The following USH2A variants were observed in gnomAD, a reference collection of about 807,000 sequenced individuals.
USH2A encodes the protein usherin, also known as Usher syndrome 2A (autosomal recessive, mild).
In USH2A, 443 loss-of-function variants were observed where a neutral mutation model predicts 538.9. The observed-to-expected ratio is 0.82, with a 90% confidence interval of 0.76 to 0.89. The LOEUF is 0.89. Among genes scored for constraint, USH2A ranks in the 40% least tolerant of loss-of-function variants. The pLI, the probability that USH2A is intolerant of heterozygous loss-of-function variation, is 0.00. For synonymous variants in USH2A, 2,413 were observed against 2,273.5 expected (o/e 1.06, Z -1.75); for missense variants, 6,633 against 6,324.8 (o/e 1.05, Z -1.65).
intron 61 of USH2A, among the ~76,000 whole-genome samples, chr1:215,685,676 C>T (rs1356642140): frequency 2.3e-5 from 3 of 131,256 alleles, no homozygotes; most frequent in African/African-American, 8.3e-5. Context: ...AGTCTTGATA[C>T]AGAAATTATT....
intron 4 of USH2A, among the ~76,000 whole-genome samples, chr1:216,330,483 C>T (rs1422546909): frequency 2.6e-5 from 4 of 151,518 alleles, no homozygotes; most frequent in African/African-American, 9.7e-5. Flanking sequence ...TCCAGGCAGG[C>T]ATTAATAAGC....
chr1:215,884,200 C>A lies in USH2A; in HGVS notation c.8223+4226G>T, dbSNP rs199851483. On this transcript the variant is annotated intron_variant, in intron 41 of 71. Coordinates refer to ENST00000307340, the MANE Select transcript of USH2A (RefSeq NM_206933.4). ...TGTATACCTATGTAAGAAACCTGCACGTTCTGTACATGTATCCCAGAACTT... is the reference window on the plus strand; with the variant it reads ...TGTATACCTATGTAAGAAACCTGCAAGTTCTGTACATGTATCCCAGAACTT... Among the ~76,000 whole-genome samples the A allele has an allele frequency of 9.2e-5, 14 of 152,098 alleles. No homozygotes were observed. The East Asian group carries it at 1.9e-3, about 21-fold the overall frequency.
At chr1:216,273,396 T>C (rs1037181808) in intron 11 of USH2A, among the ~76,000 whole-genome samples, 47 of 152,066 alleles carry the variant, frequency 3.1e-4, no homozygotes, top group African/African-American at 1.1e-3. Context: ...GGAGAAATCA[T>C]TGAGAGTGGA....
chr1:216,096,540 T>A (rs1279486569), intron 22 of USH2A, among the ~76,000 whole-genome samples: 1 of 152,242 alleles, frequency 6.6e-6, no homozygotes, highest in African/African-American at 2.4e-5. Context: ...TTTATGTTCC[T>A]ATAATACATA....
intron 21 of USH2A, among the ~76,000 whole-genome samples, chr1:216,166,417 G>A (rs1008659651): frequency 6.6e-6 from 1 of 152,016 alleles, no homozygotes; most frequent in Admixed American, 6.6e-5. Flanking sequence ...AGCAGAAAAG[G>A]GTTTGTGAAG....
rs984676014 is a variant in USH2A at position 215,910,243 on chromosome 1, T to C, written c.7301-9338A>G. 2.0e-5 allele frequency among the ~76,000 whole-genome samples: 3 copies of C among 152,036 alleles called. No homozygotes were observed. In the East Asian group the frequency reaches 5.8e-4, roughly 29 times the overall value. ...ACTCTCCTTTATGTTCAATTAGCAC[T>C]TTTTACATTTTTAACTTAATTAGCT... On this transcript the variant is annotated intron_variant, in intron 38 of 71. Coordinates refer to ENST00000307340, the MANE Select transcript of USH2A (RefSeq NM_206933.4).
intron 40 of USH2A, among the ~76,000 whole-genome samples, chr1:215,897,068 A>T (rs942838): frequency 0.17 from 25,353 of 151,848 alleles, 2,535 homozygotes; most frequent in South Asian, 0.3. Context: ...TTATTTGAAA[A>T]AAAAATCTAT....
At chr1:216,024,561 G>A (rs1480282052) in intron 32 of USH2A, among the ~76,000 whole-genome samples, 1 of 151,968 alleles carries the variant, frequency 6.6e-6, no homozygotes, top group Non-Finnish European at 1.5e-5. Context: ...GTAAATTCCA[G>A]TATAGATTTT....
intron 30 of USH2A, among the ~76,000 whole-genome samples, chr1:216,054,866 G>T (rs909752443): frequency 3.3e-5 from 5 of 152,228 alleles, no homozygotes; most frequent in Non-Finnish European, 7.4e-5. Context: ...TTAAAGAACT[G>T]GCTGCTCTGC....
chr1:216,145,403 G>C (rs1297492644), intron 21 of USH2A, among the ~76,000 whole-genome samples: 3 of 152,174 alleles, frequency 2.0e-5, no homozygotes, highest in African/African-American at 7.2e-5. Flanking sequence ...AAAGCCTAAA[G>C]GATGTCTGAA....
intron 56 of USH2A, among the ~76,000 whole-genome samples, chr1:215,761,942 C>T (rs74900893): frequency 0.045 from 6,782 of 152,036 alleles, 302 homozygotes; most frequent in African/African-American, 0.11. Flanking sequence ...TAAGTTACTC[C>T]GTACAGGTTA....
At chr1:215,806,079 G>A (rs899014185) in intron 49 of USH2A, among the ~76,000 whole-genome samples, 1 of 147,056 alleles carries the variant, frequency 6.8e-6, no homozygotes, top group Non-Finnish European at 1.5e-5. Flanking sequence ...GACATAGAAA[G>A]TGAGAAATTT....
In USH2A at chr1:216,009,746, T is replaced by C. The variant is rs930051137; in HGVS notation, c.6326-9184A>G. Reference sequence around the variant, plus strand: ...CCTCAGCCTCCGCTCCTCCACCCTATAATCCTTTTATCACCTCCCCTCCTT... The same window carrying C: ...CCTCAGCCTCCGCTCCTCCACCCTACAATCCTTTTATCACCTCCCCTCCTT... On this transcript the variant is annotated intron_variant, in intron 32 of 71. Transcript: ENST00000307340. Among the ~76,000 whole-genome samples, 52 of 152,104 alleles carry C rather than the reference T, an allele frequency of 3.4e-4. 1 individual carries two copies. Among genetic ancestry groups the C allele is most frequent in the Non-Finnish European group, 6.3e-4 (43 of 68,018 alleles).
chr1:216,347,961 A>G (rs566203191), intron 4 of USH2A, among the ~76,000 whole-genome samples: 1 of 152,278 alleles, frequency 6.6e-6, no homozygotes, highest in South Asian at 2.1e-4. Flanking sequence ...AACAAGAGTT[A>G]ACTGCATGGG....
intron 32 of USH2A, among the ~76,000 whole-genome samples, chr1:216,027,031 T>G (rs1668983298): frequency 6.6e-6 from 1 of 152,178 alleles, no homozygotes. Flanking sequence ...TTTTACTACC[T>G]TGGTGAGTAA....
rs371317516 is a variant in USH2A at position 215,876,326 on chromosome 1, C to T, written c.8681+1432G>A. Among the ~76,000 whole-genome samples, 120 of 152,292 alleles carry T rather than the reference C, an allele frequency of 7.9e-4. No homozygotes were observed. The South Asian group carries it at 8.1e-3, about 10-fold the overall frequency. Reference sequence around the variant, plus strand: ...TTGATCAGATTTACGAGATGCCTCTCTCTGAGAATCTTACAAGAACTAGGA... The same window carrying T: ...TTGATCAGATTTACGAGATGCCTCTTTCTGAGAATCTTACAAGAACTAGGA... On this transcript the variant is annotated intron_variant, in intron 43 of 71. Transcript: ENST00000307340.
Position 215,877,665 on chromosome 1 carries a change from G to A in USH2A, c.8681+93C>T, listed in dbSNP as rs533907071. Reference sequence around the variant, plus strand: ...TGTTTTATTGCATAACTGATAACACGCTCACACAATGAAGACACTGAGATA... The same window carrying A: ...TGTTTTATTGCATAACTGATAACACACTCACACAATGAAGACACTGAGATA... On this transcript the variant is annotated intron_variant, in intron 43 of 71. Coordinates refer to ENST00000307340, the MANE Select transcript of USH2A (RefSeq NM_206933.4). 4.3e-5 allele frequency: 67 copies of A among 1,564,254 alleles called. No individual in the cohort carries two copies. In the African/African-American group the frequency reaches 6.1e-4, roughly 14 times the overall value.
chr1:216,394,718 G>GTTTTTTTTTTTTT (rs1571775823), intron 3 of USH2A, among the ~76,000 whole-genome samples: 1 of 58,708 alleles, frequency 1.7e-5, no homozygotes, highest in African/African-American at 4.5e-5. Flanking sequence ...AACTGGTCCA[G>GTTTTTTTTTTTTT]TCTTTTTTTT....
intron 37 of USH2A, among the ~76,000 whole-genome samples, chr1:215,938,213 G>A (rs1352523094): frequency 2.0e-5 from 3 of 152,068 alleles, no homozygotes; most frequent in African/African-American, 7.2e-5. Context: ...TGAGTCTAAT[G>A]TTCTCTCACC....
Sources: allele counts gnomAD v4.1 joint callset (sites outside exome capture counted in the v4.1 genomes callset), GRCh38; gene constraint gnomAD v4.1.1; transcripts MANE v1.5; gene names NCBI Gene and HGNC (gene_info 2026-07-23, HGNC 2026-07-21).